TCF7L1: variants seen among roughly 807,000 people sequenced by gnomAD.
The protein encoded by TCF7L1 is transcription factor 7-like 1.
Under a neutral mutation model 63.7 loss-of-function variants are expected in TCF7L1, and 18 were observed. The ratio of observed to expected loss-of-function variants is 0.28; its 90% CI spans 0.20 to 0.42. The LOEUF is 0.42. TCF7L1 is among the 10% of genes least tolerant of loss of function. The pLI, the probability that TCF7L1 is intolerant of heterozygous loss-of-function variation, is 1.00. For synonymous variants in TCF7L1, 355 were observed against 340.9 expected (o/e 1.04, Z -0.46); for missense variants, 654 against 779.3 (o/e 0.84, Z 1.91).
intron 3 of TCF7L1, among the ~76,000 whole-genome samples, chr2:85,135,337 G>A (rs1433248338): frequency 2.6e-5 from 4 of 152,160 alleles, no homozygotes; most frequent in Non-Finnish European, 4.4e-5. Flanking sequence ...TGCTGGGTCC[G>A]ATGACAGATG....
intron 3 of TCF7L1, chr2:85,262,368 G>A: frequency 2.2e-4 from 89 of 400,082 alleles, no homozygotes; most frequent in South Asian, 5.5e-4. Flanking sequence ...GCAACTTCCA[G>A]AATCAAGACA....
chr2:85,219,283 G>A (rs1300731927), intron 3 of TCF7L1, among the ~76,000 whole-genome samples: 1 of 152,166 alleles, frequency 6.6e-6, no homozygotes, highest in African/African-American at 2.4e-5. Flanking sequence ...TGGTGTTGGC[G>A]AGGATGTTTG....
intron 3 of TCF7L1, among the ~76,000 whole-genome samples, chr2:85,208,591 G>A (rs979204731): frequency 2.6e-5 from 4 of 152,292 alleles, no homozygotes; most frequent in African/African-American, 9.6e-5. Context: ...CATGTTTTCA[G>A]AGTGAATTCT....
intron 3 of TCF7L1, among the ~76,000 whole-genome samples, chr2:85,151,047 G>C (rs1678002885): frequency 6.6e-6 from 1 of 152,056 alleles, no homozygotes; most frequent in Non-Finnish European, 1.5e-5. Context: ...GAGATATCTT[G>C]GGGTCTCTCA....
At chr2:85,193,580 GAATA>G (rs1391584765) in intron 3 of TCF7L1, among the ~76,000 whole-genome samples, 3 of 152,182 alleles carry the variant, frequency 2.0e-5, no homozygotes, top group Non-Finnish European at 4.4e-5. Context: ...GGCAGCATTT[GAATA>G]AAGTCTGTGG....
chr2:85,220,635 A>T (rs1319639220), intron 3 of TCF7L1, among the ~76,000 whole-genome samples: 1 of 152,154 alleles, frequency 6.6e-6, no homozygotes, highest in African/African-American at 2.4e-5. Flanking sequence ...AAGTGCTGGG[A>T]TTACAGGCAT....
intron 3 of TCF7L1, among the ~76,000 whole-genome samples, chr2:85,249,950 AAGACAT>A (rs930337315): frequency 1.3e-5 from 2 of 152,190 alleles, no homozygotes; most frequent in Non-Finnish European, 2.9e-5. Flanking sequence ...TTGCAGTGTA[AAGACAT>A]AGACAAAGAC....
At chr2:85,298,359 C>T (rs1306422765) in intron 4 of TCF7L1, among the ~76,000 whole-genome samples, 3 of 149,758 alleles carry the variant, frequency 2.0e-5, no homozygotes, top group South Asian at 2.1e-4. Flanking sequence ...GGCATGGTGG[C>T]GGGTGCACGT....
chr2:85,157,800 G>A (rs1678183425), intron 3 of TCF7L1, among the ~76,000 whole-genome samples: 1 of 152,236 alleles, frequency 6.6e-6, no homozygotes, highest in South Asian at 2.1e-4. Flanking sequence ...CAAGGACCAG[G>A]GGAGCTGGGT....
At chr2:85,298,875 C>G (rs549807218) in intron 4 of TCF7L1, among the ~76,000 whole-genome samples, 2 of 152,132 alleles carry the variant, frequency 1.3e-5, no homozygotes, top group East Asian at 1.9e-4. Context: ...GGGACAGAAG[C>G]CTGCAAGGAG....
intron 3 of TCF7L1, among the ~76,000 whole-genome samples, chr2:85,202,380 C>A (rs1679290648): frequency 6.6e-6 from 1 of 151,942 alleles, no homozygotes; most frequent in Non-Finnish European, 1.5e-5. Context: ...CAAATATTTT[C>A]TCTCATTCTG....
chr2:85,145,340 G>A (rs1677854613), intron 3 of TCF7L1, among the ~76,000 whole-genome samples: 1 of 152,188 alleles, frequency 6.6e-6, no homozygotes, highest in Non-Finnish European at 1.5e-5. Flanking sequence ...GCAGAAAGGT[G>A]TAAGTTTGAG....
intron 3 of TCF7L1, chr2:85,216,959 C>T (rs1679725193): frequency 1.3e-5 from 2 of 152,226 alleles, no homozygotes; most frequent in Non-Finnish European, 2.9e-5. Flanking sequence ...GCAAGCCTTC[C>T]TCCGCCTGTG....
chr2:85,265,253 G>C (rs1055893820), intron 3 of TCF7L1, among the ~76,000 whole-genome samples: 3 of 151,886 alleles, frequency 2.0e-5, no homozygotes, highest in African/African-American at 7.3e-5. Context: ...TGAGCATTTG[G>C]GGACCACTCT....
rs757540145 is a variant in TCF7L1, at chr2:85,309,155, C to T, written c.1460C>T (p.Ala487Val). 5 of 1,614,064 alleles carry T rather than the reference C, an allele frequency of 3.1e-6. No homozygotes were observed. The South Asian group carries it at 4.4e-5, about 14-fold the overall frequency. ...DSPATPSAAL[A>V]SPAAPAATHS... ...CCGGCCACTCCCTCTGCAGCTTTGGCCTCACCAGCTGCCCCTGCTGCCACC... is the reference window on the plus strand; with the variant it reads ...CCGGCCACTCCCTCTGCAGCTTTGGTCTCACCAGCTGCCCCTGCTGCCACC... Residue 487 changes from alanine (A) to valine (V), a missense_variant, in exon 12 of 12, where the codon GCC (alanine) becomes GTC (valine). Coordinates refer to ENST00000282111, the MANE Select transcript of TCF7L1 (RefSeq NM_031283.3).
chr2:85,153,636 C>A lies in TCF7L1; in HGVS notation c.441+19186C>A, dbSNP rs538787190. Among the ~76,000 whole-genome samples the A allele has an allele frequency of 4.6e-5, 7 of 152,136 alleles. No homozygotes were observed. The South Asian group carries it at 6.2e-4, about 14-fold the overall frequency. On this transcript the variant is annotated intron_variant, in intron 3 of 11. Coordinates refer to ENST00000282111, the MANE Select transcript of TCF7L1 (RefSeq NM_031283.3). ...GATTACAGGCGTGAGCCACTGCACC[C>A]GGCTAGCCTCTATAAAATTTAATCT... is the stretch of plus-strand genomic sequence containing the variant.
At chr2:85,258,234 G>A (rs766316530) in intron 3 of TCF7L1, among the ~76,000 whole-genome samples, 5 of 152,098 alleles carry the variant, frequency 3.3e-5, no homozygotes, top group African/African-American at 9.7e-5. Flanking sequence ...TGAGCAGGGG[G>A]GGCCTGCATT....
Position 85,134,082 on chromosome 2 carries a change from A to G in TCF7L1, c.313+3A>G, listed in dbSNP as rs1677530392. 8.7e-6 allele frequency: 14 copies of G among 1,609,254 alleles called. No homozygotes were observed. The highest frequency in any genetic ancestry group is 1.2e-5 in the Non-Finnish European group (14 of 1,178,918). ...GCCGCGGGACTATTTCGCCGAAGGT[A>G]TGTGCCCGCTGGGACAGCCCCCCAC... On this transcript the variant is annotated splice_donor_region_variant and intron_variant, in intron 2 of 11. Transcript: ENST00000282111. The surrounding 1 kb of genome is among the most constrained non-coding windows in gnomAD (Gnocchi z 5.0).
At chr2:85,189,760 G>A (rs778864247) in intron 3 of TCF7L1, among the ~76,000 whole-genome samples, 3 of 152,218 alleles carry the variant, frequency 2.0e-5, no homozygotes, top group Admixed American at 6.5e-5. Context: ...CCATTCAGGG[G>A]CATTCATGCG....
Sources: gnomAD v4.1 joint callset for allele counts (sites outside exome capture counted in the v4.1 genomes callset) on GRCh38, gnomAD v4.1.1 for gene constraint, Gnocchi (gnomAD v3.1) non-coding constraint, MANE v1.5 for transcripts, NCBI Gene and HGNC (gene_info 2026-07-23, HGNC 2026-07-21) for gene names.